The following FKBP5 variants were observed in gnomAD, a reference collection of about 807,000 sequenced individuals.
The protein encoded by FKBP5 is FKBP prolyl isomerase 5.
In FKBP5, 23 loss-of-function variants were observed where a neutral mutation model predicts 50.5. That is an observed-to-expected ratio of 0.46 (90% CI 0.33 to 0.65). The LOEUF is 0.65. FKBP5 is among the 30% of genes least tolerant of loss of function. The pLI is 0.02. For synonymous variants in FKBP5, 176 were observed against 190.6 expected, an observed-to-expected ratio of 0.92 and a Z score of 0.63; for missense variants, 411 against 553.1, an observed-to-expected ratio of 0.74 and a Z score of 2.58.
chr6:35,694,249 G>A (rs1275641326), intron 2 of FKBP5, among the ~76,000 whole-genome samples: 1 of 152,138 alleles, frequency 6.6e-6, no homozygotes, highest in Non-Finnish European at 1.5e-5. Flanking sequence ...AGGCTCAAGC[G>A]ATTTTCCCAC....
At chr6:35,727,062 T>C (rs1766728213) in intron 1 of FKBP5, among the ~76,000 whole-genome samples, 1 of 152,096 alleles carries the variant, frequency 6.6e-6, no homozygotes, top group Non-Finnish European at 1.5e-5. Flanking sequence ...AAGGAAGCTT[T>C]ATGAGCTGGA....
intron 3 of FKBP5, among the ~76,000 whole-genome samples, chr6:35,629,246 T>C (rs1295396374): frequency 2.0e-5 from 3 of 151,612 alleles, no homozygotes; most frequent in South Asian, 2.1e-4. Context: ...GCTGGGACTA[T>C]AGGCGTGCAC....
chr6:35,624,647 G>A (rs1325699350), intron 3 of FKBP5, among the ~76,000 whole-genome samples: 6 of 151,976 alleles, frequency 3.9e-5, no homozygotes, highest in South Asian at 2.1e-4. Context: ...GTTGGCCCAC[G>A]TCCTAATAAG....
At chr6:35,648,400 T>C (rs943564358) in intron 1 of FKBP5, among the ~76,000 whole-genome samples, 1 of 151,960 alleles carries the variant, frequency 6.6e-6, no homozygotes, top group African/African-American at 2.4e-5. Flanking sequence ...ACCCTAGTAG[T>C]TCAAACTATA....
chr6:35,603,902 C>T (rs971100502), intron 5 of FKBP5, among the ~76,000 whole-genome samples: 6 of 152,112 alleles, frequency 3.9e-5, no homozygotes, highest in Non-Finnish European at 7.4e-5. Flanking sequence ...GATGGGGTTT[C>T]GCCATGTTGG....
chr6:35,702,117 G>A (rs1766199622), intron 2 of FKBP5, among the ~76,000 whole-genome samples: 1 of 152,044 alleles, frequency 6.6e-6, no homozygotes, highest in African/African-American at 2.4e-5. Flanking sequence ...TAAAGTGCTG[G>A]GATTACAGGC....
intron 2 of FKBP5, among the ~76,000 whole-genome samples, chr6:35,703,733 C>G (rs781011974): frequency 1.7e-4 from 26 of 152,260 alleles, no homozygotes; most frequent in Non-Finnish European, 2.6e-4. Context: ...AGAACATTGA[C>G]ATGTGACCCA....
At chr6:35,701,458 T>A (rs1183682395) in intron 2 of FKBP5, among the ~76,000 whole-genome samples, 1 of 151,938 alleles carries the variant, frequency 6.6e-6, no homozygotes, top group African/African-American at 2.4e-5. Context: ...TTAGCCGGGA[T>A]GGTCTCGATC....
At chr6:35,670,731 CAA>C (rs1292414635) in intron 1 of FKBP5, among the ~76,000 whole-genome samples, 3 of 105,550 alleles carry the variant, frequency 2.8e-5, no homozygotes, top group Non-Finnish European at 2.0e-5. Context: ...GACTCCATCT[CAA>C]AAAAAAAAAA....
chr6:35,583,642 G>T, intron 8 of FKBP5: 2 of 908,832 alleles, frequency 2.2e-6, no homozygotes, highest in Non-Finnish European at 2.6e-6. Context: ...TGGGTAGGAT[G>T]CTACTGGCAT....
At chr6:35,611,074 A>G (rs73746499) in intron 5 of FKBP5, among the ~76,000 whole-genome samples, 11,048 of 152,184 alleles carry the variant, frequency 0.073, 794 homozygotes, top group African/African-American at 0.2. Context: ...GTTGAGAAGA[A>G]CAGTGTGTAC....
intron 2 of FKBP5, among the ~76,000 whole-genome samples, chr6:35,638,473 C>T (rs952010036): frequency 5.9e-5 from 9 of 152,202 alleles, no homozygotes; most frequent in South Asian, 2.1e-4. Flanking sequence ...AGAGTGCATG[C>T]GGTGGTACAA....
At chr6:35,693,395 C>T (rs1042228794), upstream of FKBP5, among the ~76,000 whole-genome samples, 28 of 151,858 alleles carry the variant, frequency 1.8e-4, no homozygotes, top group African/African-American at 6.3e-4. Flanking sequence ...AATCGCCTGA[C>T]CTCCTGATCC....
rs1762485418 is a variant in FKBP5, at chr6:35,583,031, T to C, written c.841-2810A>G. The C allele has an allele frequency of 3.2e-6, 3 of 939,262 alleles. No individual in the cohort carries two copies. The African/African-American group carries it at 5.3e-5, about 17-fold the overall frequency. 58.2% of individuals were successfully genotyped at this position (939,262 alleles called of 1,614,324 possible). ...AAGTCCAGGAGTTCGAAGCTGCAGT[T>C]AGCTATGCTTGTGCCACTGCACTCC... On this transcript the variant is annotated intron_variant, in intron 8 of 10. Coordinates refer to ENST00000357266, the MANE Select transcript of FKBP5 (RefSeq NM_004117.4).
chr6:35,626,502 A>AT (rs1191456959), intron 3 of FKBP5, among the ~76,000 whole-genome samples: 49 of 152,262 alleles, frequency 3.2e-4, no homozygotes, highest in African/African-American at 1.1e-3. Context: ...TTGTGGGGGG[A>AT]TAAAAAAAAG....
rs748236950 is a variant in FKBP5 at position 35,591,080 on chromosome 6, G to A, written c.756+50C>T. 4.2e-6 allele frequency: 5 copies of A among 1,192,402 alleles called. No homozygotes were observed. In the African/African-American group the frequency reaches 7.5e-5, roughly 18 times the overall value. The allele number at this position is 1,192,402 out of a possible 1,614,324, so 73.9% of individuals were successfully genotyped here. The stretch of plus-strand genomic sequence containing the variant: ...GATAAGATACTGATTTATAGGAAGT[G>A]GATGGAGAAGAAACCTACCATAATT... On this transcript the variant is annotated intron_variant, in intron 7 of 10. Coordinates refer to ENST00000357266, the MANE Select transcript of FKBP5 (RefSeq NM_004117.4).
chr6:35,587,559 C>T (rs1307564094), intron 7 of FKBP5, among the ~76,000 whole-genome samples: 6 of 152,186 alleles, frequency 3.9e-5, no homozygotes, highest in African/African-American at 1.4e-4. Flanking sequence ...TATATTCATA[C>T]AGAATTTTCA....
chr6:35,676,467 G>A (rs1240072961), intron 1 of FKBP5, among the ~76,000 whole-genome samples: 2 of 152,178 alleles, frequency 1.3e-5, no homozygotes, highest in African/African-American at 2.4e-5. Flanking sequence ...GCTCGGAATG[G>A]TTAAGTAATT....
chr6:35,657,898 G>A (rs768274352), intron 1 of FKBP5, among the ~76,000 whole-genome samples: 5 of 151,994 alleles, frequency 3.3e-5, no homozygotes, highest in Non-Finnish European at 7.4e-5. Flanking sequence ...CAGAAATTTA[G>A]AAAACATAAA....
Sources: allele counts gnomAD v4.1 joint callset (sites outside exome capture counted in the v4.1 genomes callset), GRCh38; gene constraint gnomAD v4.1.1; transcripts MANE v1.5; gene names NCBI Gene and HGNC (gene_info 2026-07-23, HGNC 2026-07-21).